RIPOR3: variants seen among roughly 807,000 people sequenced by gnomAD.
The protein encoded by RIPOR3 is RIPOR family member 3.
Under a neutral mutation model 114.3 loss-of-function variants are expected in RIPOR3, and 95 were observed. The ratio of observed to expected loss-of-function variants is 0.83; its 90% CI spans 0.70 to 0.99. RIPOR3 has a LOEUF of 0.99. Among genes scored for constraint, RIPOR3 ranks in the 50% least tolerant of loss-of-function variants. RIPOR3 has a pLI of 0.00. For missense variants in RIPOR3, 1,252 were observed against 1,266.9 expected, an observed-to-expected ratio of 0.99 and a Z score of 0.18; for synonymous variants, 575 against 543.8, an observed-to-expected ratio of 1.06 and a Z score of -0.80.
chr20:50,631,332 G>T (rs2084815313), intron 1 of RIPOR3, among the ~76,000 whole-genome samples: 1 of 152,160 alleles, frequency 6.6e-6, no homozygotes, highest in Non-Finnish European at 1.5e-5. Context: ...TGGAGTTATG[G>T]GGGTCCCAGG....
chr20:50,604,828 G>A, intron 11 of RIPOR3, 54 bp from the exon 12 acceptor site: 1 of 1,587,278 alleles, frequency 6.3e-7, no homozygotes, highest in Non-Finnish European at 8.5e-7. Flanking sequence ...GGCCATTTCA[G>A]GCCCAGACGG....
At chr20:50,637,973 C>A (rs2085050607) in intron 1 of RIPOR3, among the ~76,000 whole-genome samples, 1 of 151,768 alleles carries the variant, frequency 6.6e-6, no homozygotes, top group Non-Finnish European at 1.5e-5. Flanking sequence ...GTCTCAAACT[C>A]CTGGCCTCAA....
chr20:50,644,840 T>A (rs2085345173), intron 1 of RIPOR3, among the ~76,000 whole-genome samples: 1 of 105,874 alleles, frequency 9.4e-6, no homozygotes, highest in African/African-American at 6.9e-5. Context: ...ATTTTTTATT[T>A]TTTATTTTTT....
intron 1 of RIPOR3, among the ~76,000 whole-genome samples, chr20:50,685,207 T>A (rs1486677974): frequency 6.7e-6 from 1 of 149,550 alleles, no homozygotes; most frequent in East Asian, 2.0e-4. Context: ...TCTTGAGAGC[T>A]GATGATGGGA....
intron 1 of RIPOR3, among the ~76,000 whole-genome samples, chr20:50,639,617 C>G (rs1419429998): frequency 6.6e-6 from 1 of 152,218 alleles, no homozygotes; most frequent in Non-Finnish European, 1.5e-5. Flanking sequence ...CCTGTAGTCC[C>G]AGCTACCTGG....
intron 1 of RIPOR3, among the ~76,000 whole-genome samples, chr20:50,658,510 C>A (rs1409478574): frequency 6.6e-6 from 1 of 152,088 alleles, no homozygotes; most frequent in Non-Finnish European, 1.5e-5. Flanking sequence ...GAGTTTGAGA[C>A]CAGCCTGGAC....
chr20:50,685,834 A>AAAC, intron 1 of RIPOR3, among the ~76,000 whole-genome samples: 1 of 150,734 alleles, frequency 6.6e-6, no homozygotes, highest in Middle Eastern at 3.4e-3. Flanking sequence ...AAAAAAAAAA[A>AAAC]AACCCTCCTC....
intron 11 of RIPOR3, among the ~76,000 whole-genome samples, 170 bp from the exon 12 acceptor site, chr20:50,604,944 A>C (rs1251356379): frequency 1.3e-5 from 2 of 152,222 alleles, no homozygotes; most frequent in African/African-American, 2.4e-5. Context: ...TGTTTTTGAG[A>C]CAGGGTCTTG....
chr20:50,691,003 G>A (rs2087193861), intron 1 of RIPOR3, 123 bp downstream of exon 1: 2 of 1,225,578 alleles, frequency 1.6e-6, no homozygotes, highest in African/African-American at 1.5e-5. Context: ...CCCTCCTCCG[G>A]CCTTGGGAGC....
Position 50,631,627 on chromosome 20 carries a change from G to T in RIPOR3, c.4-771C>A, listed in dbSNP as rs116803252. On this transcript the variant is annotated intron_variant, in intron 1 of 21. Coordinates refer to ENST00000327979, the MANE Select transcript of RIPOR3 (RefSeq NM_001290268.2). Reference sequence around the variant, plus strand: ...GGAGCCATGGGAGGGCTTTCAGCAGGGGGTGGAAAAGTCCAATTCACATGA... The same window carrying T: ...GGAGCCATGGGAGGGCTTTCAGCAGTGGGTGGAAAAGTCCAATTCACATGA... Among the ~76,000 whole-genome samples, 306 of 152,284 alleles carry T rather than the reference G, an allele frequency of 2.0e-3. 1 individual carries two copies. The highest frequency in any genetic ancestry group is 6.5e-3 in the African/African-American group (268 of 41,548).
intron 11 of RIPOR3, among the ~76,000 whole-genome samples, chr20:50,604,998 C>T (rs971938158): frequency 2.6e-5 from 4 of 152,250 alleles, no homozygotes; most frequent in Non-Finnish European, 4.4e-5. Context: ...CCACAGCTCA[C>T]TGCATCCTTG....
chr20:50,623,871 T>C (rs1048068095), intron 2 of RIPOR3, among the ~76,000 whole-genome samples: 73 of 152,324 alleles, frequency 4.8e-4, no homozygotes, highest in African/African-American at 1.7e-3. Context: ...GAAATTTCGC[T>C]CTGTCGACAG....
intron 3 of RIPOR3, among the ~76,000 whole-genome samples, chr20:50,619,381 C>T (rs2084307880): frequency 6.7e-6 from 1 of 148,456 alleles, no homozygotes; most frequent in Non-Finnish European, 1.5e-5. Context: ...GCAGAGGTTG[C>T]AGTGAGCTGA....
At chr20:50,599,115 G>T (rs1178932435) in intron 13 of RIPOR3, among the ~76,000 whole-genome samples, 1 of 152,038 alleles carries the variant, frequency 6.6e-6, no homozygotes, top group Non-Finnish European at 1.5e-5. Flanking sequence ...TTGTTGGCTG[G>T]GTGTGGTGGC....
intron 1 of RIPOR3, among the ~76,000 whole-genome samples, chr20:50,638,797 G>A (rs2085089979): frequency 6.6e-6 from 1 of 152,206 alleles, no homozygotes. Context: ...CTGGTCTCCA[G>A]CTGTAGGAGC....
In RIPOR3 at chr20:50,610,141, G is replaced by GGCCTCACCTGCCACCCCT. The variant is rs1568855376; in HGVS notation, c.427-437_427-420dup. Among the ~76,000 whole-genome samples, 18 of 102,948 alleles carry GGCCTCACCTGCCACCCCT rather than the reference G, an allele frequency of 1.7e-4. 1 individual carries two copies. Among genetic ancestry groups the GGCCTCACCTGCCACCCCT allele is most frequent in the East Asian group, 1.4e-3 (5 of 3,662 alleles). The allele number at this position is 102,948 out of a possible 152,430, so 67.5% of individuals were successfully genotyped here. ...CCACCCCGGCCTCACCTGCCACCCCGGCCTCACCTGCCACCCCTGCCAACC... is the reference window on the plus strand; with the variant it reads ...CCACCCCGGCCTCACCTGCCACCCCGGCCTCACCTGCCACCCCTGCCTCACCTGCCACCCCTGCCAACC... On this transcript the variant is annotated intron_variant, in intron 6 of 21. Transcript: ENST00000327979.
At chr20:50,592,275 T>G (rs543322504) in intron 19 of RIPOR3, 69 bp downstream of exon 19, 11 of 1,447,282 alleles carry the variant, frequency 7.6e-6, no homozygotes, top group Non-Finnish European at 1.0e-5. Flanking sequence ...TACTTTTCCA[T>G]GAGAACACCA....
intron 1 of RIPOR3, among the ~76,000 whole-genome samples, chr20:50,684,206 A>T (rs531953520): frequency 6.6e-6 from 1 of 152,282 alleles, no homozygotes; most frequent in South Asian, 2.1e-4. Flanking sequence ...TAAACCAGAA[A>T]AGGGATGAAG....
intron 19 of RIPOR3, 82 bp from the exon 20 acceptor site, chr20:50,589,851 C>G (rs1013527986): frequency 3.1e-6 from 4 of 1,277,514 alleles, no homozygotes; most frequent in Non-Finnish European, 4.5e-6. Flanking sequence ...CACCAGGTGC[C>G]GACAGTAAGG....
Sources: gnomAD v4.1 joint callset for allele counts (sites outside exome capture counted in the v4.1 genomes callset) on GRCh38, gnomAD v4.1.1 for gene constraint, MANE v1.5 for transcripts, NCBI Gene and HGNC (gene_info 2026-07-23, HGNC 2026-07-21) for gene names.